Variants in CAMKK2 observed in about 807,000 individuals in gnomAD.
CAMKK2 encodes the protein calcium/calmodulin dependent protein kinase kinase 2, also known as calcium/calmodulin-dependent protein kinase kinase 2.
A neutral mutation model predicts 67.2 loss-of-function variants in CAMKK2; 30 were observed. The observed-to-expected ratio is 0.45, with a 90% confidence interval of 0.33 to 0.61. The LOEUF (loss-of-function observed/expected upper bound fraction) is 0.61, where lower values mean the gene tolerates loss of function less well. Among genes scored for constraint, CAMKK2 ranks in the 20% least tolerant of loss-of-function variants. The pLI is 0.02. For missense variants in CAMKK2, 643 were observed against 802.0 expected (o/e 0.80, Z 2.39); for synonymous variants, 322 against 326.2 (o/e 0.99, Z 0.14).
At chr12:121,279,140 T>C (rs1897300339) in intron 1 of CAMKK2, among the ~76,000 whole-genome samples, 1 of 152,278 alleles carries the variant, frequency 6.6e-6, no homozygotes, top group Non-Finnish European at 1.5e-5. Context: ...AGGCTGCTTT[T>C]AATCGGCCTC....
At chr12:121,296,873 C>T (rs1233089728), upstream of CAMKK2, 1 of 150,904 alleles carries the variant, frequency 6.6e-6, no homozygotes, top group East Asian at 2.0e-4. The surrounding 1 kb of genome is among the most constrained non-coding windows in gnomAD (Gnocchi z 7.1). Context: ...GCCCGCCGCG[C>T]ACCGCCCCCT....
chr12:121,256,922 T>C (rs779189700), intron 7 of CAMKK2, among the ~76,000 whole-genome samples: 4 of 152,126 alleles, frequency 2.6e-5, no homozygotes, highest in Non-Finnish European at 5.9e-5. Context: ...TTTGGGTATA[T>C]ACCTAGGAGT....
intron 1 of CAMKK2, among the ~76,000 whole-genome samples, chr12:121,295,043 G>A (rs902781996): frequency 3.3e-5 from 5 of 152,194 alleles, no homozygotes; most frequent in East Asian, 3.9e-4. Context: ...GGTGGTGGGC[G>A]CCTGTAATCC....
chr12:121,285,499 T>C lies in CAMKK2; in HGVS notation c.-59-10914A>G, dbSNP rs1898556952. On this transcript the variant is annotated intron_variant, in intron 1 of 16. Transcript: ENST00000404169. This position sits in a 1 kb window ranked among gnomAD's most constrained non-coding sequence, Gnocchi z 4.1. ...GCCTGGGCAACAGAGCAGGACCTTATCTAAAAAAGAAACAGAGTAGATGTG... is the reference window on the plus strand; with the variant it reads ...GCCTGGGCAACAGAGCAGGACCTTACCTAAAAAAGAAACAGAGTAGATGTG... 6.6e-6 allele frequency among the ~76,000 whole-genome samples: 1 copy of C among 151,680 alleles called. No homozygotes were observed. The highest frequency in any genetic ancestry group is 6.6e-5 in the Admixed American group (1 of 15,230).
chr12:121,287,492 T>G (rs938248971), intron 1 of CAMKK2, among the ~76,000 whole-genome samples: 1 of 151,298 alleles, frequency 6.6e-6, no homozygotes, highest in Admixed American at 6.6e-5. Flanking sequence ...CAGGAGGAGA[T>G]CCAGGTGGCC....
At chr12:121,295,078 G>A (rs1484828711) in intron 1 of CAMKK2, among the ~76,000 whole-genome samples, 1 of 152,200 alleles carries the variant, frequency 6.6e-6, no homozygotes, top group Non-Finnish European at 1.5e-5. Context: ...GCTGAGGCAT[G>A]AGAATCGCTT....
chr12:121,253,241 G>GAA lies in CAMKK2; in HGVS notation c.1107+30_1107+31dup. ...AATCCAGAAGACACTAACACAGGCA[G>GAA]AACTCTGTGGCTGAGGCAGGCCCAA... On this transcript the variant is annotated intron_variant, in intron 10 of 16. Coordinates refer to ENST00000404169, the MANE Select transcript of CAMKK2 (RefSeq NM_001270485.2). This position sits in a 1 kb window ranked among gnomAD's most constrained non-coding sequence, Gnocchi z 5.0. The GAA allele has an allele frequency of 6.3e-7, 1 of 1,593,930 alleles. No homozygotes were observed. The highest frequency in any genetic ancestry group is 2.2e-5 in the East Asian group (1 of 44,756).
chr12:121,278,470 C>T (rs1897184748), intron 1 of CAMKK2, among the ~76,000 whole-genome samples: 2 of 152,328 alleles, frequency 1.3e-5, no homozygotes, highest in South Asian at 4.1e-4. Flanking sequence ...TGTGTCCTCT[C>T]CCAAATCTCA....
chr12:121,247,635 G>A (rs1450349650), intron 14 of CAMKK2, among the ~76,000 whole-genome samples: 1 of 152,216 alleles, frequency 6.6e-6, no homozygotes, highest in Admixed American at 6.5e-5. Flanking sequence ...CACAGCCCCA[G>A]GTGGGGAAAG....
At chr12:121,294,961 G>A (rs1900833847) in intron 1 of CAMKK2, among the ~76,000 whole-genome samples, 3 of 152,160 alleles carry the variant, frequency 2.0e-5, no homozygotes, top group African/African-American at 7.2e-5. Flanking sequence ...CTTGAGGTAA[G>A]GAGTTCAAGA....
At chr12:121,255,921 G>C in intron 7 of CAMKK2, 117 bp from the exon 8 acceptor site, 1 of 929,628 alleles carries the variant, frequency 1.1e-6, no homozygotes. Context: ...ACTAGTATTA[G>C]AGCTGGGGAG....
In CAMKK2 at chr12:121,288,550, G is replaced by C. The variant is rs189893887; in HGVS notation, c.-60+8088C>G. ...CAAAGCACATTTCAAAAATGAAAAA[G>C]GGAGTGTGCTCTCCCTTCTGCACCC... On this transcript the variant is annotated intron_variant, in intron 1 of 16. Coordinates refer to ENST00000404169, the MANE Select transcript of CAMKK2 (RefSeq NM_001270485.2). Among the ~76,000 whole-genome samples, 72 of 152,282 alleles carry C rather than the reference G, an allele frequency of 4.7e-4. No homozygotes were observed. In the East Asian group the frequency reaches 5.0e-3, roughly 11 times the overall value.
intron 16 of CAMKK2, chr12:121,244,128 G>A: frequency 6.2e-7 from 1 of 1,611,664 alleles, no homozygotes; most frequent in Non-Finnish European, 8.5e-7. Flanking sequence ...TATTTTCTAG[G>A]TCTAAACACA....
At chr12:121,248,221 G>A (rs778207714) in intron 14 of CAMKK2, among the ~76,000 whole-genome samples, 5 of 152,214 alleles carry the variant, frequency 3.3e-5, no homozygotes, top group Non-Finnish European at 7.3e-5. Flanking sequence ...TGCCCACACA[G>A]CAGACGTGAG....
At chr12:121,271,472 C>T (rs1274166119) in intron 2 of CAMKK2, among the ~76,000 whole-genome samples, 1 of 151,178 alleles carries the variant, frequency 6.6e-6, no homozygotes, top group Non-Finnish European at 1.5e-5. Context: ...AATGTAACCA[C>T]ACACTGTGGA....
chr12:121,265,467 A>G (rs1178363172), intron 5 of CAMKK2, among the ~76,000 whole-genome samples: 2 of 152,124 alleles, frequency 1.3e-5, no homozygotes, highest in Non-Finnish European at 2.9e-5. Context: ...TCCAAAATTC[A>G]TATGTCAAAA....
chr12:121,249,965 C>A lies in CAMKK2; in HGVS notation c.1231G>T (p.Asp411Tyr). ...KIKSQALEFP[D>Y]QPDIAEDLKD... is the part of the protein sequence containing the mutation. ...GGGACGGCGGGAGATACTCACTGGT[C>A]TGGAAATTCCAGGGCCTGACTCTTG... Residue 411 changes from aspartate to tyrosine, a missense_variant, in exon 12 of 17, where the codon GAC (aspartate) becomes TAC (tyrosine). Transcript: ENST00000404169. 6.2e-7 allele frequency: 1 copy of A among 1,614,124 alleles called. No homozygotes were observed. Among genetic ancestry groups the A allele is most frequent in the Non-Finnish European group, 8.5e-7 (1 of 1,179,988 alleles).
chr12:121,271,035 G>A, intron 2 of CAMKK2, 90 bp from the exon 3 acceptor site: 1 of 987,242 alleles, frequency 1.0e-6, no homozygotes, highest in South Asian at 1.3e-5. Context: ...AGCCCTTCAG[G>A]AGACCAAGGT....
At chr12:121,274,962 T>C (rs1207554828) in intron 1 of CAMKK2, among the ~76,000 whole-genome samples, 1 of 151,736 alleles carries the variant, frequency 6.6e-6, no homozygotes, top group Non-Finnish European at 1.5e-5. Context: ...TCACATACCA[T>C]GACAATAATT....
Sources: allele counts gnomAD v4.1 joint callset (sites outside exome capture counted in the v4.1 genomes callset), GRCh38; gene constraint gnomAD v4.1.1; non-coding constraint Gnocchi (gnomAD v3.1); transcripts MANE v1.5; gene names NCBI Gene and HGNC (gene_info 2026-07-23, HGNC 2026-07-21).